Variants in SAFB observed in about 807,000 individuals in gnomAD.
The protein encoded by SAFB is scaffold attachment factor B.
In SAFB, 15 loss-of-function variants were observed where a neutral mutation model predicts 101.6. That is an observed-to-expected ratio of 0.15 (90% CI 0.10 to 0.23). SAFB has a LOEUF of 0.23. Ranked by LOEUF, SAFB falls within the 10% of genes least tolerant of loss-of-function variation. SAFB has a pLI of 1.00. For synonymous variants in SAFB, 449 were observed against 407.5 expected (o/e 1.10, Z -1.23); for missense variants, 930 against 1,104.1 (o/e 0.84, Z 2.23).
At chr19:5,650,861 T>C (rs1020258336) in intron 8 of SAFB, 117 bp from the exon 9 acceptor site, 1 of 672,560 alleles carries the variant, frequency 1.5e-6, no homozygotes, top group Non-Finnish European at 2.6e-6. Context: ...CATTTGGCTT[T>C]TAGTGCTGCC....
chr19:5,653,793 C>G (rs907730477), intron 11 of SAFB, among the ~76,000 whole-genome samples: 10 of 152,112 alleles, frequency 6.6e-5, no homozygotes, highest in African/African-American at 2.4e-4. Context: ...GAATCTCACT[C>G]TGTTGCCCAG....
rs2054362780 is a variant in SAFB, at chr19:5,667,614, C to T, written c.2557+164C>T. 1.4e-6 allele frequency: 1 copy of T among 701,382 alleles called. No homozygotes were observed. Among genetic ancestry groups the T allele is most frequent in the South Asian group, 1.8e-5 (1 of 54,446 alleles). 43.4% of individuals were successfully genotyped at this position (701,382 alleles called of 1,614,324 possible). A position where few individuals can be genotyped will look rare whatever the true frequency, so the allele number is the denominator to read the frequency against. On this transcript the variant is annotated intron_variant, in intron 19 of 20. Transcript: ENST00000588852. The surrounding 1 kb of genome is among the most constrained non-coding windows in gnomAD (Gnocchi z 4.0). ...ACCGCCTGCTCTCTGGTGGTCTGGC[C>T]CAGGAGTTGGACAGTGGGCGTTCCC...
At chr19:5,642,058 T>A in intron 4 of SAFB, 112 bp downstream of exon 4, 1 of 849,928 alleles carries the variant, frequency 1.2e-6, no homozygotes, top group Non-Finnish European at 2.0e-6. Flanking sequence ...GCCAGTTCAG[T>A]AGAATAAGGG....
At chr19:5,655,193 T>C (rs2054028728) in intron 13 of SAFB, among the ~76,000 whole-genome samples, 1 of 152,108 alleles carries the variant, frequency 6.6e-6, no homozygotes, top group African/African-American at 2.4e-5. Context: ...GCATGGTGGC[T>C]CATGCCTGTA....
intron 2 of SAFB, among the ~76,000 whole-genome samples, chr19:5,640,852 A>C (rs2053694198): frequency 6.6e-6 from 1 of 151,946 alleles, no homozygotes; most frequent in Admixed American, 6.5e-5. Flanking sequence ...CGGCCTCCTA[A>C]TGTGCTGGAC....
chr19:5,652,873 TC>T (rs1383381129), intron 9 of SAFB, among the ~76,000 whole-genome samples: 5 of 152,212 alleles, frequency 3.3e-5, no homozygotes, highest in Non-Finnish European at 7.3e-5. Flanking sequence ...CTGTTTGATT[TC>T]CCTTTCGTCT....
At chr19:5,668,011 A>T in intron 20 of SAFB, 125 bp downstream of exon 20, 1 of 1,415,506 alleles carries the variant, frequency 7.1e-7, no homozygotes, top group Non-Finnish European at 9.6e-7. Context: ...GAGGCCAGGC[A>T]TGGGGTACTG....
intron 11 of SAFB, 120 bp from the exon 12 acceptor site, chr19:5,653,941 A>G (rs1407569079): frequency 1.6e-5 from 13 of 802,702 alleles, no homozygotes; most frequent in Non-Finnish European, 2.4e-5. Flanking sequence ...GGGTTTCACC[A>G]TGTTGGCCAG....
chr19:5,655,846 A>G (rs975097557), intron 13 of SAFB, among the ~76,000 whole-genome samples: 22 of 152,272 alleles, frequency 1.4e-4, no homozygotes, highest in Non-Finnish European at 3.2e-4. Context: ...TCATTGGCAC[A>G]AATAAGGTAC....
Position 5,641,583 on chromosome 19 carries a change from T to C in SAFB, c.275-11T>C. 6.2e-7 allele frequency: 1 copy of C among 1,612,674 alleles called. No homozygotes were observed. Among genetic ancestry groups the C allele is most frequent in the Non-Finnish European group, 8.5e-7 (1 of 1,178,994 alleles). Reference sequence around the variant, plus strand: ...CATTTGATCTCATGCTGTAAATGATTCTGTCTTCAGGGCGCAAACCAGAAG... The same window carrying C: ...CATTTGATCTCATGCTGTAAATGATCCTGTCTTCAGGGCGCAAACCAGAAG... On this transcript the variant is annotated splice_polypyrimidine_tract_variant and intron_variant, in intron 2 of 20. Coordinates refer to ENST00000588852, the MANE Select transcript of SAFB (RefSeq NM_001201338.2).
At chr19:5,628,890 T>C (rs574573076) in intron 2 of SAFB, among the ~76,000 whole-genome samples, 1 of 152,340 alleles carries the variant, frequency 6.6e-6, no homozygotes, top group South Asian at 2.1e-4. Context: ...TTTTCCTTTT[T>C]CTTCTGATAA....
intron 2 of SAFB, among the ~76,000 whole-genome samples, chr19:5,628,236 A>G (rs2053411891): frequency 1.3e-5 from 2 of 152,108 alleles, no homozygotes; most frequent in South Asian, 4.1e-4. Flanking sequence ...GGGCGACCGC[A>G]AGACTCCATC....
chr19:5,662,089 G>T (rs575447425), intron 15 of SAFB, among the ~76,000 whole-genome samples: 2 of 152,218 alleles, frequency 1.3e-5, no homozygotes, highest in East Asian at 3.9e-4. Context: ...GTTTCACTGT[G>T]TTAGCCAGGA....
At chr19:5,638,486 C>T (rs1260673300) in intron 2 of SAFB, among the ~76,000 whole-genome samples, 1 of 151,822 alleles carries the variant, frequency 6.6e-6, no homozygotes, top group Admixed American at 6.6e-5. Flanking sequence ...CCATGTCCTT[C>T]TAATTTTTGT....
At position 5,626,394 on chromosome 19, in the gene SAFB, C is replaced by A; in HGVS notation, c.190-11C>A. 6.4e-7 allele frequency: 1 copy of A among 1,561,724 alleles called. No individual in the cohort carries two copies. Among genetic ancestry groups the A allele is most frequent in the South Asian group, 1.1e-5 (1 of 89,908 alleles). ...CTTTTTGGATCAACTTTACTTTTCC[C>A]TTCTTTTTAGGCAATTGAAGATGAA... On this transcript the variant is annotated splice_polypyrimidine_tract_variant and intron_variant, in intron 1 of 20. Transcript: ENST00000588852.
chr19:5,665,822 T>G (rs2054316023), intron 17 of SAFB: 1 of 152,236 alleles, frequency 6.6e-6, no homozygotes, highest in South Asian at 2.1e-4. Context: ...GTGGGTTGGT[T>G]GGACAGAAAA....
In SAFB at chr19:5,623,166, G is replaced by C. The variant is rs1392249849; in HGVS notation, c.-40G>C. 6.5e-7 allele frequency: 1 copy of C among 1,547,854 alleles called. No individual in the cohort carries two copies. Among genetic ancestry groups the C allele is most frequent in the Non-Finnish European group, 8.7e-7 (1 of 1,144,770 alleles). ...GCTAGGAGCCTGATAAAACCGGCCC[G>C]GTTCTGTGGAAAGTGGGCGGCGGAG... On this transcript the variant is annotated 5_prime_UTR_variant, in exon 1 of 21. Transcript: ENST00000588852.
intron 1 of SAFB, among the ~76,000 whole-genome samples, chr19:5,625,051 A>G (rs1351489135): frequency 6.6e-6 from 1 of 152,056 alleles, no homozygotes; most frequent in Non-Finnish European, 1.5e-5. Context: ...CATCTCTGAG[A>G]GCACAGATTT....
Position 5,654,076 on chromosome 19 carries a change from G to C in SAFB, c.1542G>C (p.Lys514Asn). The C allele has an allele frequency of 6.2e-7, 1 of 1,614,148 alleles. No individual in the cohort carries two copies. The highest frequency in any genetic ancestry group is 2.2e-5 in the East Asian group (1 of 44,888). ...TTTTTTATAGATCTACAAACCTTAA[G>C]AGGGATGATAAATGTGACAGAAAAG... ...SSNSDRSTNL[K>N]RDDKCDRKDD... Residue 514 changes from lysine (K) to asparagine (N), a missense_variant, in exon 12 of 21, where the codon AAG becomes AAC. Lys to Asn is a moderately conservative substitution (Grantham distance 94). Around this residue, in one of 7 missense-constraint regions of SAFB, gnomAD observed 92 missense variants for 83.8 expected, o/e 1.10. Transcript: ENST00000588852.
Sources: allele counts gnomAD v4.1 joint callset (sites outside exome capture counted in the v4.1 genomes callset), GRCh38; gene constraint gnomAD v4.1.1; regional missense constraint gnomAD v4.1.1; non-coding constraint Gnocchi (gnomAD v3.1); transcripts MANE v1.5; gene names NCBI Gene and HGNC (gene_info 2026-07-23, HGNC 2026-07-21).